The following TMEM140 variants were observed in gnomAD, a reference collection of about 807,000 sequenced individuals.
TMEM140 encodes transmembrane protein 140.
For missense variants in TMEM140, 236 were observed against 228.5 expected, an observed-to-expected ratio of 1.03 and a Z score of -0.21; for synonymous variants, 107 against 106.8, an observed-to-expected ratio of 1.00 and a Z score of -0.01.
intron 1 of TMEM140, among the ~76,000 whole-genome samples, chr7:135,162,937 T>A (rs1271118974): frequency 6.6e-6 from 1 of 152,246 alleles, no homozygotes; most frequent in Non-Finnish European, 1.5e-5. Flanking sequence ...AGAGGGACTA[T>A]GATTAGCAAA....
chr7:135,148,871 A>C (rs547207405), intron 1 of TMEM140, among the ~76,000 whole-genome samples: 7 of 152,272 alleles, frequency 4.6e-5, no homozygotes, highest in African/African-American at 1.7e-4. Flanking sequence ...AGTTCTCTTG[A>C]TGCATATTTT....
intron 1 of TMEM140, among the ~76,000 whole-genome samples, chr7:135,155,378 T>G (rs1829764770): frequency 6.6e-6 from 1 of 152,232 alleles, no homozygotes; most frequent in African/African-American, 2.4e-5. Flanking sequence ...TGTTTATTGT[T>G]TTCAGGTTGT....
At chr7:135,154,881 A>C (rs147442968) in intron 1 of TMEM140, among the ~76,000 whole-genome samples, 3 of 152,278 alleles carry the variant, frequency 2.0e-5, no homozygotes, top group African/African-American at 7.2e-5. Context: ...ATTTAAGTAC[A>C]ATGTTTCTTT....
At chr7:135,149,689 G>C (rs532277199) in intron 1 of TMEM140, among the ~76,000 whole-genome samples, 1 of 152,226 alleles carries the variant, frequency 6.6e-6, no homozygotes, top group East Asian at 1.9e-4. Context: ...ATCATCAAGT[G>C]TTTTTACCTA....
In TMEM140 at chr7:135,150,350, C is replaced by T. The variant is rs575785287; in HGVS notation, c.-25+2080C>T. ...TCTCACTCACCCTGTTTATTTCTTT[C>T]CCAAACCTTTTCAAAAATTATAATT... On this transcript the variant is annotated intron_variant, in intron 1 of 1. Coordinates refer to ENST00000275767, the MANE Select transcript of TMEM140 (RefSeq NM_018295.5). Among the ~76,000 whole-genome samples the T allele has an allele frequency of 2.6e-5, 4 of 152,254 alleles. No homozygotes were observed. In the East Asian group the frequency reaches 7.7e-4, roughly 29 times the overall value.
In TMEM140 at chr7:135,164,962, G is replaced by A; in HGVS notation, c.521G>A (p.Arg174Lys). The A allele has an allele frequency of 2.5e-6, 4 of 1,604,214 alleles. No individual in the cohort carries two copies. The highest frequency in any genetic ancestry group is 3.4e-6 in the Non-Finnish European group (4 of 1,173,348). The part of the protein sequence containing the change: ...LLIAMAVFPL[R>K]AERAESKLES... ...ATAGCCATGGCTGTGTTCCCTCTGA[G>A]GGCTGAGAGGGCTGAGAGCAAGCTT... The change falls in exon 2 of 2, where the codon AGG becomes AAG. Residue 174 changes from arginine to lysine, a missense_variant. Physicochemically the swap from Arg to Lys is conservative, Grantham distance 26. Coordinates refer to ENST00000275767, the MANE Select transcript of TMEM140 (RefSeq NM_018295.5).
Position 135,164,540 on chromosome 7 carries a change from C to A in TMEM140, c.99C>A (p.Leu33=). 6.2e-7 allele frequency: 1 copy of A among 1,614,192 alleles called. No individual in the cohort carries two copies. The highest frequency in any genetic ancestry group is 8.5e-7 in the Non-Finnish European group (1 of 1,179,996). Residue 33 remains leucine (L), a synonymous_variant, in exon 2 of 2, where the codon CTC becomes CTA. Coordinates refer to ENST00000275767, the MANE Select transcript of TMEM140 (RefSeq NM_018295.5). The part of the protein sequence containing the change: ...VVICLMFYAL[L]WEAGNLTDLP... ...TCTGCCTGATGTTTTACGCTCTTCTCTGGGAGGCTGGCAACCTCACTGACC... is the reference window on the plus strand; with the variant it reads ...TCTGCCTGATGTTTTACGCTCTTCTATGGGAGGCTGGCAACCTCACTGACC...
At chr7:135,163,662 C>T (rs548133877) in intron 1 of TMEM140, among the ~76,000 whole-genome samples, 1 of 152,256 alleles carries the variant, frequency 6.6e-6, no homozygotes, top group African/African-American at 2.4e-5. Context: ...AACAAACAAA[C>T]AAAAACGTCT....
chr7:135,163,721 G>A (rs1330525565), intron 1 of TMEM140, among the ~76,000 whole-genome samples: 1 of 152,204 alleles, frequency 6.6e-6, no homozygotes, highest in African/African-American at 2.4e-5. Flanking sequence ...ATATGTATTA[G>A]TTTTTAAAGT....
chr7:135,161,886 C>A lies in TMEM140; in HGVS notation c.-24-2532C>A, dbSNP rs768816660. On this transcript the variant is annotated intron_variant, in intron 1 of 1. Coordinates refer to ENST00000275767, the MANE Select transcript of TMEM140 (RefSeq NM_018295.5). This position sits in a 1 kb window ranked among gnomAD's most constrained non-coding sequence, Gnocchi z 4.1. ...GCTTCTCTGGAGCAGAAGCCACGGG[C>A]AGAACTGGGCAGACTGCCCAGTGCT... is the stretch of plus-strand genomic sequence containing the variant. Among the ~76,000 whole-genome samples, 1 of 152,190 alleles carries A rather than the reference C, an allele frequency of 6.6e-6. No individual in the cohort carries two copies. The highest frequency in any genetic ancestry group is 1.5e-5 in the Non-Finnish European group (1 of 68,034).
At chr7:135,159,077 T>C (rs1585352562) in intron 1 of TMEM140, among the ~76,000 whole-genome samples, 1 of 152,166 alleles carries the variant, frequency 6.6e-6, no homozygotes, top group East Asian at 1.9e-4. Flanking sequence ...TCTTACTGTT[T>C]CCCCACATCA....
At position 135,164,999 on chromosome 7, in the gene TMEM140, A is replaced by G. The variant is rs755357266; in HGVS notation, c.558A>G (p.Ter186=). 32 of 1,577,576 alleles carry G rather than the reference A, an allele frequency of 2.0e-5. No homozygotes were observed. The highest frequency in any genetic ancestry group is 1.8e-4 in the Admixed American group (10 of 55,692). The change falls in exon 2 of 2, where the codon TAA becomes TAG. Residue 186 remains the stop codon, a stop_retained_variant. Coordinates refer to ENST00000275767, the MANE Select transcript of TMEM140 (RefSeq NM_018295.5). ...CTGAGAGCAAGCTTGAGAGCTGCTA[A>G]AGGCTTACGTGATTGCAAGGGTTCA... is the stretch of plus-strand genomic sequence containing the variant. ...ERAESKLESC[*]
intron 1 of TMEM140, among the ~76,000 whole-genome samples, chr7:135,150,878 C>T (rs968127533): frequency 1.3e-5 from 2 of 152,178 alleles, no homozygotes; most frequent in African/African-American, 4.8e-5. Context: ...ATTAAGATGG[C>T]TCATTTGTAG....
chr7:135,154,480 G>A (rs2117437093), intron 1 of TMEM140, among the ~76,000 whole-genome samples: 1 of 152,232 alleles, frequency 6.6e-6, no homozygotes, highest in South Asian at 2.1e-4. Flanking sequence ...CTTTTTTGAT[G>A]TAGGCATTTA....
chr7:135,150,683 C>T (rs1290307469), intron 1 of TMEM140, among the ~76,000 whole-genome samples: 8 of 152,214 alleles, frequency 5.3e-5, no homozygotes, highest in African/African-American at 1.7e-4. Flanking sequence ...GAATCTTGGC[C>T]GCCCACAAAC....
intron 1 of TMEM140, among the ~76,000 whole-genome samples, chr7:135,149,006 C>A (rs1715143743): frequency 6.6e-6 from 1 of 152,096 alleles, no homozygotes; most frequent in Non-Finnish European, 1.5e-5. Context: ...CTCATGATAA[C>A]TGAAGAGCAT....
chr7:135,150,741 G>A (rs546317621), intron 1 of TMEM140, among the ~76,000 whole-genome samples: 3 of 152,172 alleles, frequency 2.0e-5, no homozygotes, highest in East Asian at 1.9e-4. Context: ...TTAGCTGGAC[G>A]TGGTGGCAGG....
At position 135,164,752 on chromosome 7, in the gene TMEM140, C is replaced by A. The variant is rs142088210; in HGVS notation, c.311C>A (p.Ala104Asp). 6.2e-7 allele frequency: 1 copy of A among 1,614,228 alleles called. No homozygotes were observed. Among genetic ancestry groups the A allele is most frequent in the Non-Finnish European group, 8.5e-7 (1 of 1,180,034 alleles). Residue 104 changes from alanine to aspartate, a missense_variant, in exon 2 of 2, where the codon GCC (alanine) becomes GAC (aspartate). By Grantham distance (126) the Ala-to-Asp change is moderately radical (BLOSUM62 -2). Transcript: ENST00000275767. ...TLFAPQPLLLAQCNSDERAWR... is the reference protein window; with the variant it reads ...TLFAPQPLLLDQCNSDERAWR... ...TTTGCCCCCCAGCCTCTCCTCCTAG[C>A]CCAGTGCAACAGTGATGAGAGAGCG...
chr7:135,148,303 C>T (rs1324157091), intron 1 of TMEM140, 33 bp downstream of exon 1: 2 of 352,236 alleles, frequency 5.7e-6, no homozygotes, highest in East Asian at 7.7e-5. Flanking sequence ...TCACAGCTTA[C>T]CCAGACGTCT....
Sources: allele counts gnomAD v4.1 joint callset (sites outside exome capture counted in the v4.1 genomes callset), GRCh38; gene constraint gnomAD v4.1.1; non-coding constraint Gnocchi (gnomAD v3.1); transcripts MANE v1.5; gene names NCBI Gene and HGNC (gene_info 2026-07-23, HGNC 2026-07-21).